Variants in CNKSR2 observed in about 807,000 individuals in gnomAD.
The protein encoded by CNKSR2 is connector enhancer of kinase suppressor of Ras 2.
In CNKSR2, 14 loss-of-function variants were observed where a neutral mutation model predicts 84.4. That is an observed-to-expected ratio of 0.17 (90% CI 0.11 to 0.26). The LOEUF (loss-of-function observed/expected upper bound fraction) is 0.26, where lower values mean the gene tolerates loss of function less well. Among genes scored for constraint, CNKSR2 ranks in the 10% least tolerant of loss-of-function variants. CNKSR2 has a pLI of 1.00. For synonymous variants in CNKSR2, 275 were observed against 277.9 expected (o/e 0.99, Z 0.10); for missense variants, 485 against 771.2 (o/e 0.63, Z 4.40).
At chrX:21,581,597 G>A (rs1601977823) in intron 13 of CNKSR2, among the ~76,000 whole-genome samples, 1 of 111,798 alleles carries the variant, frequency 8.9e-6, no homozygotes, top group East Asian at 2.8e-4. Context: ...AGTGGAAGTG[G>A]TGAAAAGGGG....
At chrX:21,517,153 G>T (rs1424892708) in intron 9 of CNKSR2, among the ~76,000 whole-genome samples, 1 of 111,156 alleles carries the variant, frequency 9.0e-6, no homozygotes, top group East Asian at 2.8e-4. Flanking sequence ...AGGAGGCTGA[G>T]GTGGGTGGAT....
intron 6 of CNKSR2, chrX:21,492,130 G>A (rs1248432931): frequency 1.8e-5 from 2 of 111,330 alleles, no homozygotes; most frequent in East Asian, 5.7e-4. Flanking sequence ...AAAGAAAAAA[G>A]CCTGACTTTT....
rs143144574 is a variant in CNKSR2 at position 21,576,876 on chromosome X, T to C, written c.1608+13424T>C. Among the ~76,000 whole-genome samples, 1,059 of 111,397 alleles carry C rather than the reference T, an allele frequency of 9.5e-3. 12 individuals carry two copies. Among genetic ancestry groups the C allele is most frequent in the African/African-American group, 0.031 (956 of 30,764 alleles). ...AATTTCCAAAATATCAATACAGAAA[T>C]ACTTTAAAACAAAAGAAGCAAAACC... is the stretch of plus-strand genomic sequence containing the variant. On this transcript the variant is annotated intron_variant, in intron 13 of 21. Transcript: ENST00000379510.
chrX:21,537,388 A>G (rs903539069), intron 11 of CNKSR2, among the ~76,000 whole-genome samples: 10 of 111,447 alleles, frequency 9.0e-5, no homozygotes, highest in African/African-American at 2.9e-4. Flanking sequence ...CATTTAGTCT[A>G]TAGTGCAGTT....
At chrX:21,417,676 A>AT (rs1417372801) in intron 1 of CNKSR2, among the ~76,000 whole-genome samples, 3 of 110,504 alleles carry the variant, frequency 2.7e-5, no homozygotes, top group African/African-American at 9.9e-5. Flanking sequence ...CTTTTTATAG[A>AT]TTTTGTCTTG....
intron 1 of CNKSR2, among the ~76,000 whole-genome samples, chrX:21,384,429 A>G (rs1327797276): frequency 8.9e-6 from 1 of 112,119 alleles, no homozygotes; most frequent in African/African-American, 3.2e-5. Flanking sequence ...ATTGACACAC[A>G]CAGAGTAGTT....
intron 11 of CNKSR2, among the ~76,000 whole-genome samples, chrX:21,556,854 T>TA (rs2092144403): frequency 9.1e-6 from 1 of 110,404 alleles, no homozygotes; most frequent in Non-Finnish European, 1.9e-5. Flanking sequence ...TGAGGAGAGT[T>TA]ACTTTTTAAA....
intron 4 of CNKSR2, among the ~76,000 whole-genome samples, chrX:21,465,937 G>C (rs780625079): frequency 9.0e-6 from 1 of 111,397 alleles, no homozygotes; most frequent in Non-Finnish European, 1.9e-5. Context: ...GATCCTGTGT[G>C]GGTGTATAGC....
At chrX:21,465,444 T>C (rs1285238855) in intron 4 of CNKSR2, among the ~76,000 whole-genome samples, 5 of 111,517 alleles carry the variant, frequency 4.5e-5, no homozygotes, top group African/African-American at 6.5e-5. Flanking sequence ...ATTGCTTAAA[T>C]TAACCCCTTA....
chrX:21,450,981 A>G (rs1367365271), intron 4 of CNKSR2, among the ~76,000 whole-genome samples: 1 of 112,446 alleles, frequency 8.9e-6, no homozygotes, highest in East Asian at 2.8e-4. Flanking sequence ...CTATTTTTGT[A>G]TAAAATAGAA....
intron 6 of CNKSR2, chrX:21,493,858 A>C (rs780982826): frequency 8.9e-6 from 1 of 111,957 alleles, no homozygotes; most frequent in African/African-American, 3.2e-5. Flanking sequence ...TGATTATTAA[A>C]AGCAGTTACA....
chrX:21,416,113 T>TC (rs1219145792), intron 1 of CNKSR2, among the ~76,000 whole-genome samples: 20 of 111,429 alleles, frequency 1.8e-4, no homozygotes, highest in Non-Finnish European at 3.6e-4. Context: ...TAAGGTATGT[T>TC]CCTTCTATAC....
chrX:21,633,823 A>G (rs752010243), intron 20 of CNKSR2, among the ~76,000 whole-genome samples: 1 of 112,211 alleles, frequency 8.9e-6, no homozygotes, highest in Non-Finnish European at 1.9e-5. Context: ...AATGAAAATT[A>G]ATATACAATA....
Position 21,391,616 on chromosome X carries a change from C to G in CNKSR2, c.64+16655C>G, listed in dbSNP as rs1460657932. The stretch of plus-strand genomic sequence containing the variant: ...AGCCTACAAAAACCATTCTTCCCTT[C>G]TAGGCCTCTGGGCCTCTGACACGAG... On this transcript the variant is annotated intron_variant, in intron 1 of 21. Coordinates refer to ENST00000379510, the MANE Select transcript of CNKSR2 (RefSeq NM_014927.5). Among the ~76,000 whole-genome samples, 3 of 112,113 alleles carry G rather than the reference C, an allele frequency of 2.7e-5. No homozygotes were observed. In the East Asian group the frequency reaches 8.4e-4, roughly 31 times the overall value.
At chrX:21,630,687 T>C (rs1208627512) in intron 20 of CNKSR2, among the ~76,000 whole-genome samples, 2 of 106,178 alleles carry the variant, frequency 1.9e-5, no homozygotes. Flanking sequence ...TTTCACTATA[T>C]ATGTATATAA....
chrX:21,650,642 G>A lies in CNKSR2; in HGVS notation c.2889+1615G>A, dbSNP rs766486596. ...ATTTCAGGAAACAGAAGGTCAGAGG[G>A]CTCCTTTGGGAAATATTTCAGATCC... On this transcript the variant is annotated intron_variant, in intron 21 of 21. Transcript: ENST00000379510. Among the ~76,000 whole-genome samples the A allele has an allele frequency of 4.5e-5, 5 of 111,703 alleles. No homozygotes were observed. In the South Asian group the frequency reaches 1.5e-3, roughly 34 times the overall value.
At chrX:21,536,533 C>A (rs1427124021) in intron 11 of CNKSR2, among the ~76,000 whole-genome samples, 1 of 110,830 alleles carries the variant, frequency 9.0e-6, no homozygotes, top group Non-Finnish European at 1.9e-5. Flanking sequence ...ATTTTTATTA[C>A]TGATTCAATC....
At chrX:21,509,425 C>T (rs1436680687) in intron 8 of CNKSR2, among the ~76,000 whole-genome samples, 1 of 111,682 alleles carries the variant, frequency 9.0e-6, no homozygotes, top group East Asian at 2.8e-4. Flanking sequence ...TTTATCTTTT[C>T]CCAAGACTTT....
intron 13 of CNKSR2, among the ~76,000 whole-genome samples, chrX:21,576,437 A>G (rs2092319898): frequency 8.9e-6 from 1 of 111,782 alleles, no homozygotes; most frequent in South Asian, 3.7e-4. Context: ...AAAGATGGCA[A>G]TAATCTCAGC....
Sources: allele counts gnomAD v4.1 joint callset (sites outside exome capture counted in the v4.1 genomes callset), GRCh38; gene constraint gnomAD v4.1.1; transcripts MANE v1.5; gene names NCBI Gene and HGNC (gene_info 2026-07-23, HGNC 2026-07-21).